Variants in NTN1 observed in about 807,000 individuals in gnomAD.
NTN1 encodes the protein netrin-1.
Under a neutral mutation model 54.2 loss-of-function variants are expected in NTN1, and 11 were observed. The ratio of observed to expected loss-of-function variants is 0.20; its 90% CI spans 0.13 to 0.34. NTN1 has a LOEUF of 0.34. Among genes scored for constraint, NTN1 ranks in the 10% least tolerant of loss-of-function variants. The pLI is 1.00. For synonymous variants in NTN1, 371 were observed against 382.0 expected (o/e 0.97, Z 0.33); for missense variants, 740 against 893.1 (o/e 0.83, Z 2.18).
chr17:9,106,471 T>C (rs370377429), intron 2 of NTN1, among the ~76,000 whole-genome samples: 172 of 11,258 alleles, frequency 0.015, 1 homozygote, highest in African/African-American at 0.089. Flanking sequence ...CTTCCTCCCT[T>C]CCTTCCTTCC....
intron 2 of NTN1, among the ~76,000 whole-genome samples, chr17:9,069,549 C>G (rs955859897): frequency 5.9e-5 from 9 of 152,156 alleles, no homozygotes; most frequent in Admixed American, 5.9e-4. Context: ...AGGTTATTTC[C>G]TTTTCAAGAG....
chr17:9,179,430 C>T lies in NTN1; in HGVS notation c.1208-377C>T, dbSNP rs143438251. 6.3e-3 allele frequency among the ~76,000 whole-genome samples: 965 copies of T among 152,304 alleles called. 11 individuals carry two copies. The highest frequency in any genetic ancestry group is 0.022 in the African/African-American group (908 of 41,570). On this transcript the variant is annotated intron_variant, in intron 3 of 6. Coordinates refer to ENST00000173229, the MANE Select transcript of NTN1 (RefSeq NM_004822.3). Reference sequence around the variant, plus strand: ...GACAGAGTGAAAACGCATAAGCCGACCCTGTCAAGGGAAGGTGTATCCCCC... The same window carrying T: ...GACAGAGTGAAAACGCATAAGCCGATCCTGTCAAGGGAAGGTGTATCCCCC...
chr17:9,019,041 A>G (rs1266973489), upstream of NTN1, among the ~76,000 whole-genome samples: 1 of 152,228 alleles, frequency 6.6e-6, no homozygotes, highest in African/African-American at 2.4e-5. Flanking sequence ...TTGTGTAATG[A>G]ACATGGTCTC....
At chr17:9,190,783 C>T (rs148720163) in intron 5 of NTN1, among the ~76,000 whole-genome samples, 17 of 151,978 alleles carry the variant, frequency 1.1e-4, no homozygotes, top group South Asian at 4.1e-4. Flanking sequence ...ACCTTGGAAG[C>T]GGAGGTTGCA....
At chr17:9,031,092 G>C (rs933981599) in intron 2 of NTN1, among the ~76,000 whole-genome samples, 5 of 152,130 alleles carry the variant, frequency 3.3e-5, no homozygotes, top group African/African-American at 1.2e-4. Flanking sequence ...ATTATTGGTT[G>C]TTGTGTCCAA....
At chr17:9,035,072 G>A (rs945807271) in intron 2 of NTN1, among the ~76,000 whole-genome samples, 15 of 152,094 alleles carry the variant, frequency 9.9e-5, no homozygotes, top group South Asian at 6.3e-4. Flanking sequence ...TCAGTCTCCC[G>A]AGTAGCTGGG....
At chr17:9,050,339 A>G (rs1320106968) in intron 2 of NTN1, among the ~76,000 whole-genome samples, 1 of 151,950 alleles carries the variant, frequency 6.6e-6, no homozygotes, top group South Asian at 2.1e-4. Context: ...TTTGAAAGCT[A>G]TTGGTGTAGA....
At chr17:9,046,494 C>T (rs2091941721) in intron 2 of NTN1, among the ~76,000 whole-genome samples, 1 of 152,108 alleles carries the variant, frequency 6.6e-6, no homozygotes, top group South Asian at 2.1e-4. Context: ...TCCGAAACCC[C>T]CCAAATAAGA....
chr17:9,022,140 G>C (rs1319322181), intron 1 of NTN1, among the ~76,000 whole-genome samples, 171 bp from the exon 2 acceptor site: 6 of 152,128 alleles, frequency 3.9e-5, no homozygotes, highest in Admixed American at 3.3e-4. Flanking sequence ...GTGCGGACTT[G>C]GAGGGCCCCG....
rs1309693313 is a variant in NTN1 at position 9,239,922 on chromosome 17, G to C, written c.1769G>C (p.Arg590Pro). 2 of 1,371,920 alleles carry C rather than the reference G, an allele frequency of 1.5e-6. No individual in the cohort carries two copies. Among genetic ancestry groups the C allele is most frequent in the South Asian group, 1.2e-5 (1 of 86,524 alleles). The allele number at this position is 1,371,920 out of a possible 1,614,324, so 85.0% of individuals were successfully genotyped here. A position where few individuals can be genotyped will look rare whatever the true frequency, so the allele number is the denominator to read the frequency against. ...CGGGACACGTGGGCGCGGCGGCTGC[G>C]CAAGTTCCAGCAGCGTGAGAAGAAG... Reference protein sequence around the residue: ...QWRDTWARRLRKFQQREKKGK... With the variant: ...QWRDTWARRLPKFQQREKKGK... Residue 590 changes from arginine to proline, a missense_variant, in exon 7 of 7, where the codon CGC (arginine) becomes CCC (proline). Arg to Pro is a moderately radical substitution (Grantham distance 103). Coordinates refer to ENST00000173229, the MANE Select transcript of NTN1 (RefSeq NM_004822.3). The surrounding 1 kb of genome is among the most constrained non-coding windows in gnomAD (Gnocchi z 5.2).
At chr17:9,016,650 C>G (rs2091832630), upstream of NTN1, among the ~76,000 whole-genome samples, 1 of 152,200 alleles carries the variant, frequency 6.6e-6, no homozygotes, top group African/African-American at 2.4e-5. Context: ...CAGCACAGCT[C>G]TAGCCCCTGG....
At chr17:9,202,887 T>C (rs1185519290) in intron 5 of NTN1, among the ~76,000 whole-genome samples, 1 of 152,128 alleles carries the variant, frequency 6.6e-6, no homozygotes, top group African/African-American at 2.4e-5. Flanking sequence ...GCGTCTGTGT[T>C]TCATGGTTTC....
At chr17:9,180,399 TC>T (rs1194855920) in intron 4 of NTN1, among the ~76,000 whole-genome samples, 1 of 152,180 alleles carries the variant, frequency 6.6e-6, no homozygotes, top group Non-Finnish European at 1.5e-5. Context: ...GCTCAGTGAG[TC>T]CACGTGGGAG....
chr17:9,186,056 G>A (rs769217336), intron 5 of NTN1, among the ~76,000 whole-genome samples: 3 of 152,096 alleles, frequency 2.0e-5, no homozygotes, highest in African/African-American at 4.8e-5. Flanking sequence ...TTCTCGGTCC[G>A]CCCCTGAGGA....
intron 2 of NTN1, among the ~76,000 whole-genome samples, chr17:9,092,064 A>G (rs1021133913): frequency 6.6e-6 from 1 of 150,902 alleles, no homozygotes; most frequent in Non-Finnish European, 1.5e-5. Flanking sequence ...TAATTTTTGT[A>G]TTTTTAGTAG....
At position 9,242,787 on chromosome 17, in the gene NTN1, A is replaced by C. The variant is rs1906266760; in HGVS notation, c.*2819A>C. 6.6e-6 allele frequency: 1 copy of C among 152,108 alleles called. No individual in the cohort carries two copies. The highest frequency in any genetic ancestry group is 2.4e-5 in the African/African-American group (1 of 41,210). 9.4% of individuals were successfully genotyped at this position (152,108 alleles called of 1,614,324 possible). On this transcript the variant is annotated 3_prime_UTR_variant, in exon 7 of 7. Transcript: ENST00000173229. ...ACACCCAGCCAGGACCCAGCCCACC[A>C]CTCCCGACTGCAGCCCCGGCCTCTG...
intron 2 of NTN1, among the ~76,000 whole-genome samples, chr17:9,130,071 G>C (rs1227445379): frequency 2.0e-5 from 3 of 152,160 alleles, no homozygotes; most frequent in South Asian, 2.1e-4. Flanking sequence ...GCCATCGAGG[G>C]CTTGCTGGGA....
chr17:9,081,259 G>A (rs932858987), intron 2 of NTN1, among the ~76,000 whole-genome samples: 3 of 152,348 alleles, frequency 2.0e-5, no homozygotes, highest in Non-Finnish European at 4.4e-5. Context: ...TTGGTGACCA[G>A]AGGTATTGAT....
At chr17:9,121,963 A>G (rs1352290445) in intron 2 of NTN1, among the ~76,000 whole-genome samples, 1 of 151,712 alleles carries the variant, frequency 6.6e-6, no homozygotes, top group Non-Finnish European at 1.5e-5. Flanking sequence ...CTGGAATATG[A>G]TCTGGTCAGT....
Sources: allele counts gnomAD v4.1 joint callset (sites outside exome capture counted in the v4.1 genomes callset), GRCh38; gene constraint gnomAD v4.1.1; non-coding constraint Gnocchi (gnomAD v3.1); transcripts MANE v1.5; gene names NCBI Gene and HGNC (gene_info 2026-07-23, HGNC 2026-07-21).